MLH3: variants seen among roughly 807,000 people sequenced by gnomAD.
The protein encoded by MLH3 is mutL homolog 3.
In MLH3, 82 loss-of-function variants were observed where a neutral mutation model predicts 122.2. The ratio of observed to expected loss-of-function variants is 0.67; its 90% CI spans 0.56 to 0.81. The LOEUF (loss-of-function observed/expected upper bound fraction) is 0.81. Ranked by LOEUF, MLH3 falls within the 30% of genes least tolerant of loss-of-function variation. The probability of loss-of-function intolerance (pLI) is 0.00; values close to 1 mark genes in which losing one functional copy is unlikely to be tolerated. For missense variants in MLH3, 1,539 were observed against 1,714.5 expected (o/e 0.90, Z 1.81); for synonymous variants, 524 against 599.5 (o/e 0.87, Z 1.84).
At chr14:75,029,133 C>CAA (rs764907881) in intron 9 of MLH3, among the ~76,000 whole-genome samples, 26 of 75,980 alleles carry the variant, frequency 3.4e-4, no homozygotes, top group African/African-American at 1.2e-3. Flanking sequence ...CTGGGCATCG[C>CAA]AAAAAAAAAA....
intron 9 of MLH3, among the ~76,000 whole-genome samples, chr14:75,024,942 A>G (rs956284062): frequency 2.6e-5 from 4 of 152,196 alleles, no homozygotes; most frequent in African/African-American, 9.7e-5. Context: ...GGTCTTAGAG[A>G]AAGCATGTCT....
At chr14:75,030,818 C>T (rs1891000119) in intron 8 of MLH3, 116 bp from the exon 9 acceptor site, 2 of 848,592 alleles carry the variant, frequency 2.4e-6, no homozygotes. Flanking sequence ...GGCTTAACAA[C>T]CGTATTGTTT....
Position 75,046,539 on chromosome 14 carries a change from C to CT in MLH3, c.3116_3117insA (p.Cys1040ValfsTer33). 1.2e-6 allele frequency: 2 copies of CT among 1,614,186 alleles called. No homozygotes were observed. The highest frequency in any genetic ancestry group is 1.7e-6 in the Non-Finnish European group (2 of 1,180,042). On this transcript the variant is annotated frameshift_variant, in exon 2 of 13. Transcript: ENST00000355774. LOFTEE classifies it high-confidence loss of function. ...AATGCCGCTGCCAATCTGAACAACA[C>CT]GTGTTTGACTCTTCAGTTTCAGAAC...
At chr14:75,031,990 C>T (rs767942378) in intron 8 of MLH3, 78 bp downstream of exon 8, 64 of 979,552 alleles carry the variant, frequency 6.5e-5, no homozygotes, top group Admixed American at 1.6e-4. Context: ...AGAAATGGAA[C>T]AATAGTTATG....
intron 9 of MLH3, among the ~76,000 whole-genome samples, chr14:75,028,071 AG>A (rs1890778464): frequency 6.6e-6 from 1 of 151,982 alleles, no homozygotes; most frequent in South Asian, 2.1e-4. Context: ...AGGAAAGGAG[AG>A]GAAAAAGACA....
At chr14:75,036,376 C>T (rs1431878901) in intron 6 of MLH3, among the ~76,000 whole-genome samples, 2 of 147,660 alleles carry the variant, frequency 1.4e-5, no homozygotes, top group East Asian at 2.0e-4. Context: ...GACAGAGTTT[C>T]GCTCTGTCAC....
At chr14:75,046,234 G>T in intron 2 of MLH3, 142 bp downstream of exon 2, 6 of 766,176 alleles carry the variant, frequency 7.8e-6, no homozygotes, top group Admixed American at 2.3e-5. Flanking sequence ...CATATAGCAT[G>T]AAAATACAAC....
At chr14:75,018,396 G>C (rs1890041811) in intron 12 of MLH3, among the ~76,000 whole-genome samples, 1 of 152,158 alleles carries the variant, frequency 6.6e-6, no homozygotes, top group South Asian at 2.1e-4. Flanking sequence ...AAGATCCTTG[G>C]GGATGGCCAG....
intron 4 of MLH3, among the ~76,000 whole-genome samples, chr14:75,040,354 G>A (rs1891752214): frequency 6.8e-6 from 1 of 146,654 alleles, no homozygotes; most frequent in South Asian, 2.2e-4. Flanking sequence ...GGAGACTGAG[G>A]CAGGAGAATG....
chr14:75,024,420 C>T (rs1046702219), intron 9 of MLH3, among the ~76,000 whole-genome samples: 38 of 152,272 alleles, frequency 2.5e-4, no homozygotes, highest in African/African-American at 8.7e-4. Flanking sequence ...AGGCTGGTCT[C>T]GAACTCCCGA....
At chr14:75,042,087 A>G (rs1891893504) in intron 3 of MLH3, among the ~76,000 whole-genome samples, 1 of 152,260 alleles carries the variant, frequency 6.6e-6, no homozygotes, top group African/African-American at 2.4e-5. Context: ...AAACTACAGC[A>G]ACTTGGAGTG....
rs886050781 is a variant in MLH3 at position 75,049,727 on chromosome 14, G to GA, written c.-63-10dup. 111 of 1,444,664 alleles carry GA rather than the reference G, an allele frequency of 7.7e-5. No individual in the cohort carries two copies. Among genetic ancestry groups the GA allele is most frequent in the Non-Finnish European group, 4.3e-5 (45 of 1,046,276 alleles). 89.5% of individuals were successfully genotyped at this position (1,444,664 alleles called of 1,614,324 possible). ...TGACTGGAAATAATTGCCTATTGGA[G>GA]AAAAAAACCACACACGCACATAATC... On this transcript the variant is annotated splice_polypyrimidine_tract_variant and intron_variant, in intron 1 of 12. Coordinates refer to ENST00000355774, the MANE Select transcript of MLH3 (RefSeq NM_001040108.2).
At chr14:75,040,197 C>G (rs1268423504) in intron 4 of MLH3, among the ~76,000 whole-genome samples, 182 bp from the exon 5 acceptor site, 1 of 138,734 alleles carries the variant, frequency 7.2e-6, no homozygotes, top group Non-Finnish European at 1.7e-5. Flanking sequence ...CACCTGTAAT[C>G]TCAGCACTTT....
At chr14:75,020,817 T>C (rs1172986375) in intron 11 of MLH3, 2 of 152,150 alleles carry the variant, frequency 1.3e-5, no homozygotes, top group African/African-American at 4.8e-5. Context: ...AAGATTAGCA[T>C]GGTCCGTGCA....
rs142124529 is a variant in MLH3, at chr14:75,041,640, T to A, written c.3440A>T (p.Asn1147Ile). The change falls in exon 4 of 13, where the codon AAT becomes ATT. Residue 1147 changes from asparagine to isoleucine, a missense_variant. Coordinates refer to ENST00000355774, the MANE Select transcript of MLH3 (RefSeq NM_001040108.2). ...CTCTGGATAACGGGCAAATACTGGA[T>A]TGTCCCATTCTGAGAACAAAGACTG... The part of the protein sequence containing the change: ...SLQSLFSEWD[N>I]PVFARYPEVA... 523 of 1,613,824 alleles carry A rather than the reference T, an allele frequency of 3.2e-4. No homozygotes were observed. Among genetic ancestry groups the A allele is most frequent in the Middle Eastern group, 3.3e-4 (2 of 6,058 alleles).
intron 11 of MLH3, among the ~76,000 whole-genome samples, chr14:75,019,268 G>A (rs1384005121): frequency 6.6e-6 from 1 of 151,894 alleles, no homozygotes; most frequent in Non-Finnish European, 1.5e-5. Context: ...AAATTAGCCG[G>A]GTGTGGTGGC....
chr14:75,028,875 G>A (rs915729245), intron 9 of MLH3, among the ~76,000 whole-genome samples: 2 of 151,650 alleles, frequency 1.3e-5, no homozygotes, highest in Non-Finnish European at 2.9e-5. Context: ...TTGGCCAGGC[G>A]TAGTGGCTCA....
chr14:75,042,314 C>T, intron 3 of MLH3, 65 bp downstream of exon 3: 1 of 1,389,298 alleles, frequency 7.2e-7, no homozygotes, highest in South Asian at 1.2e-5. Flanking sequence ...TGCAAGCCTG[C>T]TTTGTTTTTT....
chr14:75,030,329 T>A (rs1228306724), intron 9 of MLH3, among the ~76,000 whole-genome samples: 1 of 152,178 alleles, frequency 6.6e-6, no homozygotes, highest in Non-Finnish European at 1.5e-5. Context: ...GCAAAACACA[T>A]ACCTCTACTA....
Sources: gnomAD v4.1 joint callset for allele counts (sites outside exome capture counted in the v4.1 genomes callset) on GRCh38, gnomAD v4.1.1 for gene constraint, MANE v1.5 for transcripts, NCBI Gene and HGNC (gene_info 2026-07-23, HGNC 2026-07-21) for gene names.